FAM78B: variants seen among roughly 807,000 people sequenced by gnomAD.
The protein encoded by FAM78B is family with sequence similarity 78 member B, also known as protein FAM78B.
A neutral mutation model predicts 20.0 loss-of-function variants in FAM78B; 10 were observed. The ratio of observed to expected loss-of-function variants is 0.50; its 90% CI spans 0.31 to 0.85. The LOEUF (loss-of-function observed/expected upper bound fraction) is 0.85. Among genes scored for constraint, FAM78B ranks in the 40% least tolerant of loss-of-function variants. FAM78B has a pLI of 0.05. For missense variants in FAM78B, 283 were observed against 345.0 expected (o/e 0.82, Z 1.42); for synonymous variants, 135 against 132.8 (o/e 1.02, Z -0.12).
intron 1 of FAM78B, among the ~76,000 whole-genome samples, chr1:166,106,171 A>G (rs918824480): frequency 1.0e-4 from 14 of 137,220 alleles, no homozygotes; most frequent in Admixed American, 8.2e-4. Flanking sequence ...ACACATGGAC[A>G]CAGGAAGGGG....
chr1:166,115,137 C>T (rs1014424724), intron 1 of FAM78B, among the ~76,000 whole-genome samples: 2 of 152,184 alleles, frequency 1.3e-5, no homozygotes, highest in Non-Finnish European at 2.9e-5. Context: ...TGCCAGAGAC[C>T]GCTCCAAGCT....
intron 1 of FAM78B, among the ~76,000 whole-genome samples, chr1:166,134,000 G>A (rs1189911207): frequency 6.6e-6 from 1 of 152,198 alleles, no homozygotes; most frequent in Non-Finnish European, 1.5e-5. Flanking sequence ...GTGAGTGACT[G>A]AGCCCAGACC....
intron 1 of FAM78B, among the ~76,000 whole-genome samples, chr1:166,105,907 G>GT (rs1653758198): frequency 6.6e-6 from 1 of 151,530 alleles, no homozygotes; most frequent in South Asian, 2.1e-4. Flanking sequence ...ACATGCACAC[G>GT]TATGTTTATT....
rs1230226200 is a variant in FAM78B, at chr1:166,146,750, T to C, written c.263+19236A>G. ...TAGACAAATCATAGATAATGAGTCT[T>C]AGGGAACATCTCAGTCAACCTTTCA... is the stretch of plus-strand genomic sequence containing the variant. On this transcript the variant is annotated intron_variant, in intron 1 of 1. Coordinates refer to ENST00000354422, the MANE Select transcript of FAM78B (RefSeq NM_001017961.5). Among the ~76,000 whole-genome samples the C allele has an allele frequency of 2.0e-5, 3 of 152,342 alleles. 1 individual carries two copies. The East Asian group carries it at 5.8e-4, about 29-fold the overall frequency.
At chr1:166,138,594 T>TA (rs1268143369) in intron 1 of FAM78B, among the ~76,000 whole-genome samples, 3 of 152,162 alleles carry the variant, frequency 2.0e-5, no homozygotes, top group Non-Finnish European at 2.9e-5. Context: ...ATTGCTGGGC[T>TA]AAAAAAACCT....
chr1:166,096,251 G>C (rs1028948532), intron 1 of FAM78B, among the ~76,000 whole-genome samples: 2 of 152,164 alleles, frequency 1.3e-5, no homozygotes, highest in Non-Finnish European at 2.9e-5. Flanking sequence ...CTCTCCCTTG[G>C]GTCTTGGAGT....
chr1:166,095,252 G>A (rs554602344), intron 1 of FAM78B, among the ~76,000 whole-genome samples: 1 of 152,196 alleles, frequency 6.6e-6, no homozygotes, highest in African/African-American at 2.4e-5. Flanking sequence ...CCCTTCCCTT[G>A]AGCATGGCAT....
intron 2 of FAM78B, among the ~76,000 whole-genome samples, chr1:166,063,873 C>T (rs759683270): frequency 5.9e-5 from 9 of 152,232 alleles, no homozygotes. Context: ...TGAGGATCAA[C>T]CTGTTTTCTG....
intron 1 of FAM78B, among the ~76,000 whole-genome samples, chr1:166,137,576 T>A (rs1289723700): frequency 1.3e-5 from 2 of 152,074 alleles, no homozygotes; most frequent in Admixed American, 1.3e-4. Flanking sequence ...TATGGATAAA[T>A]GTGCTCCCTG....
rs1654391587 is a variant in FAM78B at position 166,119,624 on chromosome 1, TTCC to T, written c.263+46359_263+46361del. Reference sequence around the variant, plus strand: ...CAGCTGCCTCCCTAAGAGAGCTGTTTTCCTCCTCTTTGCCATTTACAAGCCTTT... The same window carrying T: ...CAGCTGCCTCCCTAAGAGAGCTGTTTTCCTCTTTGCCATTTACAAGCCTTT... On this transcript the variant is annotated intron_variant, in intron 1 of 1. Transcript: ENST00000354422. Among the ~76,000 whole-genome samples, 8 of 152,344 alleles carry T rather than the reference TTCC, an allele frequency of 5.3e-5. No individual in the cohort carries two copies. In the South Asian group the frequency reaches 1.7e-3, roughly 32 times the overall value.
chr1:166,058,497 CTT>C (rs1046756420), exon 3 of FAM78B: 9 of 119,292 alleles, frequency 7.5e-5, no homozygotes, highest in African/African-American at 3.2e-4. Flanking sequence ...TTTCCCTAGG[CTT>C]TGTGTGTGTG....
At chr1:166,111,328 A>G (rs762415216) in intron 1 of FAM78B, among the ~76,000 whole-genome samples, 7 of 152,170 alleles carry the variant, frequency 4.6e-5, no homozygotes, top group South Asian at 2.1e-4. Flanking sequence ...ATTGAATTTC[A>G]TATTTGCTCT....
chr1:166,116,855 A>C (rs941683218), intron 1 of FAM78B, among the ~76,000 whole-genome samples: 2 of 152,158 alleles, frequency 1.3e-5, no homozygotes, highest in African/African-American at 4.8e-5. Context: ...AAATGGGAGA[A>C]TTAAGAACAG....
intron 1 of FAM78B, among the ~76,000 whole-genome samples, chr1:166,092,770 C>CTAGT (rs1383826613): frequency 6.6e-6 from 1 of 152,306 alleles, no homozygotes; most frequent in East Asian, 1.9e-4. Flanking sequence ...TGACATCTGT[C>CTAGT]TAGTTAGTTA....
chr1:166,083,314 A>C (rs539326641), intron 1 of FAM78B, among the ~76,000 whole-genome samples: 1 of 152,306 alleles, frequency 6.6e-6, no homozygotes, highest in East Asian at 1.9e-4. Context: ...ACAGAATTAC[A>C]TAGAATGAAT....
intron 1 of FAM78B, among the ~76,000 whole-genome samples, chr1:166,092,411 C>T (rs1228135133): frequency 6.6e-6 from 1 of 152,168 alleles, no homozygotes; most frequent in Non-Finnish European, 1.5e-5. Flanking sequence ...CAAACGGGCC[C>T]CTCCAAGTGG....
At chr1:166,092,611 C>T (rs987301747) in intron 1 of FAM78B, among the ~76,000 whole-genome samples, 1 of 152,218 alleles carries the variant, frequency 6.6e-6, no homozygotes, top group Non-Finnish European at 1.5e-5. Context: ...TTATCCCATG[C>T]TCCTCAGCTG....
chr1:166,120,416 G>A (rs563854127), intron 1 of FAM78B, among the ~76,000 whole-genome samples: 15 of 152,290 alleles, frequency 9.8e-5, no homozygotes, highest in African/African-American at 3.6e-4. Flanking sequence ...ACCGTGCCAC[G>A]CCTACTTAGC....
At chr1:166,105,229 T>C (rs904073477) in intron 1 of FAM78B, among the ~76,000 whole-genome samples, 1 of 152,210 alleles carries the variant, frequency 6.6e-6, no homozygotes, top group African/African-American at 2.4e-5. Context: ...GACTTAAATG[T>C]TAGACCCAAA....
Sources: gnomAD v4.1 joint callset for allele counts (sites outside exome capture counted in the v4.1 genomes callset) on GRCh38, gnomAD v4.1.1 for gene constraint, MANE v1.5 for transcripts, NCBI Gene and HGNC (gene_info 2026-07-23, HGNC 2026-07-21) for gene names.